Variants in NREP observed in about 807,000 individuals in gnomAD.
NREP encodes the protein neuronal regeneration-related protein.
In NREP, 5 loss-of-function variants were observed where a neutral mutation model predicts 8.6. That is an observed-to-expected ratio of 0.58 (90% CI 0.30 to 1.22). NREP has a LOEUF of 1.22. Among genes scored for constraint, NREP ranks in the 50% most tolerant of loss-of-function variants. NREP has a pLI of 0.07. For synonymous variants in NREP, 27 were observed against 28.0 expected, an observed-to-expected ratio of 0.96 and a Z score of 0.11; for missense variants, 86 against 82.5, an observed-to-expected ratio of 1.04 and a Z score of -0.17.
At chr5:111,818,109 G>A (rs1306115960) in intron 2 of NREP, among the ~76,000 whole-genome samples, 1 of 152,032 alleles carries the variant, frequency 6.6e-6, no homozygotes, top group Non-Finnish European at 1.5e-5. Flanking sequence ...ACTACAAAAT[G>A]CAACTTTAAA....
chr5:111,962,108 G>A (rs1756496403), intron 2 of NREP, among the ~76,000 whole-genome samples: 1 of 152,166 alleles, frequency 6.6e-6, no homozygotes, highest in Admixed American at 6.5e-5. Flanking sequence ...TGCCTAAATA[G>A]TTCAGTGCTG....
At chr5:111,970,730 G>A (rs997922739) in intron 2 of NREP, among the ~76,000 whole-genome samples, 2 of 147,062 alleles carry the variant, frequency 1.4e-5, no homozygotes, top group Non-Finnish European at 3.0e-5. Context: ...AGTGGCTGAG[G>A]CAGGAGAATC....
chr5:111,971,811 GCTC>G lies in NREP; in HGVS notation c.135+3460_135+3462del, dbSNP rs1189213630. 3.3e-5 allele frequency among the ~76,000 whole-genome samples: 5 copies of G among 152,006 alleles called. No individual in the cohort carries two copies. The East Asian group carries it at 9.6e-4, about 29-fold the overall frequency. ...CGAAAAGCACACTAAGAAACAAAAA[GCTC>G]CTTCACATGGGACTGGACAATGATT... On this transcript the variant is annotated intron_variant, in intron 2 of 3. Transcript: ENST00000395634.
intron 2 of NREP, among the ~76,000 whole-genome samples, chr5:111,949,583 A>G (rs561058640): frequency 6.6e-6 from 1 of 151,940 alleles, no homozygotes; most frequent in East Asian, 1.9e-4. Flanking sequence ...GCACCCATCA[A>G]CCTGTCATCT....
At chr5:111,795,643 A>G (rs919172017) in intron 2 of NREP, among the ~76,000 whole-genome samples, 3 of 152,188 alleles carry the variant, frequency 2.0e-5, no homozygotes, top group African/African-American at 4.8e-5. Context: ...AAATCCAGTC[A>G]TTTTGCATTT....
At chr5:111,958,128 A>G (rs569358665) in intron 2 of NREP, among the ~76,000 whole-genome samples, 1 of 152,050 alleles carries the variant, frequency 6.6e-6, no homozygotes, top group Admixed American at 6.5e-5. Context: ...TATATCATAA[A>G]ATTTATGTGT....
At chr5:111,913,940 G>A (rs904549143) in intron 2 of NREP, among the ~76,000 whole-genome samples, 1 of 152,108 alleles carries the variant, frequency 6.6e-6, no homozygotes, top group African/African-American at 2.4e-5. Flanking sequence ...AGCATGCCAA[G>A]CTTGATTTAG....
chr5:111,829,855 TG>T (rs1290761715), intron 2 of NREP, among the ~76,000 whole-genome samples: 2 of 152,198 alleles, frequency 1.3e-5, no homozygotes, highest in East Asian at 3.8e-4. Flanking sequence ...TAGCGTGCCA[TG>T]GGCTGGAAAA....
At position 111,899,728 on chromosome 5, in the gene NREP, G is replaced by C. The variant is rs929363432; in HGVS notation, c.135+75546C>G. ...TTAACTCTAAAGACACACATGGACT[G>C]AAAGTTTTAAAATGGGAAAAACATA... On this transcript the variant is annotated intron_variant, in intron 2 of 3. Coordinates refer to the NREP transcript ENST00000395634. 1.3e-5 allele frequency among the ~76,000 whole-genome samples: 2 copies of C among 152,082 alleles called. 1 individual carries two copies. Among genetic ancestry groups the C allele is most frequent in the South Asian group, 4.1e-4 (2 of 4,826 alleles).
At chr5:111,892,887 C>G (rs1754427663) in intron 2 of NREP, among the ~76,000 whole-genome samples, 1 of 152,066 alleles carries the variant, frequency 6.6e-6, no homozygotes, top group Non-Finnish European at 1.5e-5. Context: ...TTAACAAAAG[C>G]CAAGCCCACC....
exon 1 of NREP, chr5:111,976,720 T>C: frequency 1.9e-6 from 3 of 1,550,814 alleles, no homozygotes; most frequent in Non-Finnish European, 1.7e-6. Flanking sequence ...CAAAGCAGAA[T>C]AATTCCAAAC....
chr5:111,914,622 C>T (rs115835812), intron 2 of NREP, among the ~76,000 whole-genome samples: 8,519 of 152,000 alleles, frequency 0.056, 268 homozygotes, highest in Non-Finnish European at 0.063. Context: ...CTCCTTTTTT[C>T]GTTGTACTCT....
intron 2 of NREP, among the ~76,000 whole-genome samples, chr5:111,969,054 T>A (rs1360497357): frequency 2.0e-5 from 3 of 152,094 alleles, no homozygotes; most frequent in Non-Finnish European, 4.4e-5. Flanking sequence ...TATGGTCAAG[T>A]TAGAGAAATA....
intron 2 of NREP, among the ~76,000 whole-genome samples, chr5:111,834,841 A>G (rs959095874): frequency 1.3e-5 from 2 of 152,176 alleles, no homozygotes; most frequent in African/African-American, 4.8e-5. Context: ...GGAAGAATTT[A>G]TAGCCAAGTG....
intron 2 of NREP, among the ~76,000 whole-genome samples, chr5:111,822,298 T>C (rs73789512): frequency 6.6e-6 from 1 of 152,208 alleles, no homozygotes; most frequent in East Asian, 1.9e-4. Context: ...CTGGAGTTAT[T>C]TGTAAACTTA....
intron 2 of NREP, among the ~76,000 whole-genome samples, chr5:111,913,772 A>T (rs530524565): frequency 6.6e-6 from 1 of 152,186 alleles, no homozygotes; most frequent in South Asian, 2.1e-4. Flanking sequence ...TCTGGATTTG[A>T]TTATAGGGAT....
chr5:111,767,367 G>A (rs1751110019), intron 2 of NREP, among the ~76,000 whole-genome samples: 1 of 152,034 alleles, frequency 6.6e-6, no homozygotes, highest in South Asian at 2.1e-4. Flanking sequence ...CTCTCAAGTG[G>A]CTTTACAACG....
At chr5:111,755,635 G>A in intron 2 of NREP, 135 bp downstream of exon 2, 1 of 958,630 alleles carries the variant, frequency 1.0e-6, no homozygotes. Flanking sequence ...CCAGGAACTG[G>A]AGATAGAACC....
At chr5:111,949,410 C>T (rs755595669) in intron 2 of NREP, among the ~76,000 whole-genome samples, 23 of 151,894 alleles carry the variant, frequency 1.5e-4, no homozygotes, top group Non-Finnish European at 2.5e-4. Context: ...AAATTCCTTT[C>T]CTTACACATA....
Sources: gnomAD v4.1 joint callset for allele counts (sites outside exome capture counted in the v4.1 genomes callset) on GRCh38, gnomAD v4.1.1 for gene constraint, MANE v1.5 for transcripts, NCBI Gene and HGNC (gene_info 2026-07-23, HGNC 2026-07-21) for gene names.